The following ZMAT4 variants were observed in gnomAD, a reference collection of about 807,000 sequenced individuals.
ZMAT4 encodes zinc finger matrin-type 4, also known as zinc finger matrin-type protein 4.
Under a neutral mutation model 28.7 loss-of-function variants are expected in ZMAT4, and 17 were observed. The observed-to-expected ratio is 0.59, with a 90% confidence interval of 0.41 to 0.89. The LOEUF (loss-of-function observed/expected upper bound fraction) is 0.89. ZMAT4 is among the 40% of genes least tolerant of loss of function. The pLI is 0.00. For missense variants in ZMAT4, 240 were observed against 283.8 expected, an observed-to-expected ratio of 0.85 and a Z score of 1.11; for synonymous variants, 117 against 109.2, an observed-to-expected ratio of 1.07 and a Z score of -0.44.
At chr8:40,822,220 C>T (rs928207907) in intron 2 of ZMAT4, among the ~76,000 whole-genome samples, 5 of 152,264 alleles carry the variant, frequency 3.3e-5, no homozygotes, top group East Asian at 3.9e-4. Context: ...CTTTTTCTCT[C>T]GATGAAGTTT....
intron 1 of ZMAT4, among the ~76,000 whole-genome samples, chr8:40,847,073 C>T (rs1350627842): frequency 1.3e-5 from 2 of 151,984 alleles, no homozygotes; most frequent in South Asian, 2.1e-4. Flanking sequence ...AGTATGGTGG[C>T]ATGTGCCTGT....
Position 40,604,147 on chromosome 8 carries a change from C to T in ZMAT4, c.578-22886G>A, listed in dbSNP as rs372828689. Reference sequence around the variant, plus strand: ...GAGTCTTTAGGGTTTTCTAGGTATACAATCCTATCGTCAGTGAACAGTGAC... The same window carrying T: ...GAGTCTTTAGGGTTTTCTAGGTATATAATCCTATCGTCAGTGAACAGTGAC... On this transcript the variant is annotated intron_variant, in intron 5 of 6. Coordinates refer to ENST00000297737, the MANE Select transcript of ZMAT4 (RefSeq NM_024645.3). 1.3e-5 allele frequency among the ~76,000 whole-genome samples: 2 copies of T among 152,108 alleles called. 1 individual carries two copies. The highest frequency in any genetic ancestry group is 3.9e-4 in the East Asian group (2 of 5,194).
chr8:40,741,169 G>T (rs926447625), intron 3 of ZMAT4, among the ~76,000 whole-genome samples: 1 of 152,138 alleles, frequency 6.6e-6, no homozygotes, highest in Non-Finnish European at 1.5e-5. Context: ...CATTGGCCGG[G>T]CATGGTGGCT....
At chr8:40,796,875 A>C (rs1025256788) in intron 2 of ZMAT4, among the ~76,000 whole-genome samples, 2 of 151,982 alleles carry the variant, frequency 1.3e-5, no homozygotes, top group Non-Finnish European at 2.9e-5. Flanking sequence ...GTGCTCGGAG[A>C]TCTCATCTCC....
chr8:40,608,147 A>G (rs556978498), intron 5 of ZMAT4, among the ~76,000 whole-genome samples: 1 of 152,170 alleles, frequency 6.6e-6, no homozygotes, highest in South Asian at 2.1e-4. Context: ...CCAAGAGATT[A>G]TGTCCTTTGT....
intron 3 of ZMAT4, among the ~76,000 whole-genome samples, chr8:40,737,111 G>T (rs1349426451): frequency 2.0e-5 from 3 of 152,200 alleles, no homozygotes; most frequent in Non-Finnish European, 4.4e-5. Flanking sequence ...AACACAGAGA[G>T]CACATTTAGA....
chr8:40,589,401 G>A (rs931347791), intron 5 of ZMAT4, among the ~76,000 whole-genome samples: 2 of 152,116 alleles, frequency 1.3e-5, no homozygotes, highest in African/African-American at 4.8e-5. Context: ...AGTATGAAAA[G>A]CTCTTTCAAT....
At chr8:40,866,567 GGGCTCACATCT>G (rs1254254030) in intron 1 of ZMAT4, among the ~76,000 whole-genome samples, 1 of 152,296 alleles carries the variant, frequency 6.6e-6, no homozygotes, top group South Asian at 2.1e-4. Flanking sequence ...TGATGAGACT[GGGCTCACATCT>G]GGCTGTTTTA....
At chr8:40,690,417 C>T (rs184684571) in intron 4 of ZMAT4, among the ~76,000 whole-genome samples, 1 of 152,296 alleles carries the variant, frequency 6.6e-6, no homozygotes, top group African/African-American at 2.4e-5. Flanking sequence ...AAAGCCAAAA[C>T]ATCAACTGGA....
intron 3 of ZMAT4, among the ~76,000 whole-genome samples, chr8:40,755,982 A>G (rs1812661089): frequency 6.6e-6 from 1 of 152,126 alleles, no homozygotes; most frequent in Admixed American, 6.6e-5. Context: ...CCAGGTGGGA[A>G]CAGCAGGCCT....
chr8:40,741,837 T>C (rs185212090), intron 3 of ZMAT4, among the ~76,000 whole-genome samples: 16 of 152,256 alleles, frequency 1.1e-4, no homozygotes, highest in African/African-American at 3.6e-4. Flanking sequence ...TGTAAGAGAT[T>C]GGTTAAATAT....
At chr8:40,542,049 A>G (rs1176704904) in intron 6 of ZMAT4, among the ~76,000 whole-genome samples, 1 of 152,120 alleles carries the variant, frequency 6.6e-6, no homozygotes, top group African/African-American at 2.4e-5. Context: ...TGGCAGAAGT[A>G]TGTTTTGTTG....
At chr8:40,879,919 G>A (rs777673565) in intron 1 of ZMAT4, among the ~76,000 whole-genome samples, 5 of 148,674 alleles carry the variant, frequency 3.4e-5, no homozygotes, top group South Asian at 2.2e-4. Context: ...TGGACGTACC[G>A]AACTAGTTTA....
At chr8:40,621,003 A>T (rs986392522) in intron 5 of ZMAT4, among the ~76,000 whole-genome samples, 2 of 152,226 alleles carry the variant, frequency 1.3e-5, no homozygotes, top group African/African-American at 4.8e-5. Flanking sequence ...TATTAGCAAC[A>T]TTTCTGTTCC....
rs143454503 is a variant in ZMAT4, at chr8:40,843,332, A to G, written c.-4-17652T>C. On this transcript the variant is annotated intron_variant, in intron 1 of 6. Transcript: ENST00000297737. ...CCCACAGCCCCATGACAAAGGCCCC[A>G]GATGTACAACTGACCAAGAGCTGGC... Among the ~76,000 whole-genome samples the G allele has an allele frequency of 5.9e-4, 90 of 152,274 alleles. No homozygotes were observed. The East Asian group carries it at 0.015, about 25-fold the overall frequency.
At chr8:40,673,938 C>T (rs1219525144) in intron 5 of ZMAT4, among the ~76,000 whole-genome samples, 2 of 152,020 alleles carry the variant, frequency 1.3e-5, no homozygotes, top group African/African-American at 2.4e-5. Flanking sequence ...ACTGTCTTGC[C>T]GTGATTTCCC....
intron 3 of ZMAT4, among the ~76,000 whole-genome samples, chr8:40,706,358 C>T (rs559474102): frequency 5.3e-5 from 8 of 152,178 alleles, no homozygotes; most frequent in African/African-American, 1.9e-4. Context: ...CCAGCCAGAA[C>T]TAATTATTAA....
chr8:40,587,569 G>T (rs1378449097), intron 5 of ZMAT4, among the ~76,000 whole-genome samples: 1 of 152,020 alleles, frequency 6.6e-6, no homozygotes, highest in Admixed American at 6.6e-5. Context: ...ATAATTTAAG[G>T]TTGTACACTG....
At chr8:40,877,422 C>T (rs1445976565) in intron 1 of ZMAT4, among the ~76,000 whole-genome samples, 2 of 152,142 alleles carry the variant, frequency 1.3e-5, no homozygotes, top group African/African-American at 2.4e-5. Context: ...ATGTTTCATC[C>T]CCAGGAAGGC....
Sources: allele counts gnomAD v4.1 joint callset (sites outside exome capture counted in the v4.1 genomes callset), GRCh38; gene constraint gnomAD v4.1.1; transcripts MANE v1.5; gene names NCBI Gene and HGNC (gene_info 2026-07-23, HGNC 2026-07-21).